The following TEX9 variants were observed in gnomAD, a reference collection of about 807,000 sequenced individuals.
TEX9 encodes testis-expressed protein 9.
Under a neutral mutation model 59.6 loss-of-function variants are expected in TEX9, and 74 were observed. The observed-to-expected ratio is 1.24, with a 90% CI of 1.03 to 1.51. The LOEUF (loss-of-function observed/expected upper bound fraction) is 1.51, where lower values mean the gene tolerates loss of function less well. Among genes scored for constraint, TEX9 ranks in the 40% most tolerant of loss-of-function variants. The probability of loss-of-function intolerance (pLI) is 0.00; values close to 1 mark genes in which losing one functional copy is unlikely to be tolerated. For missense variants in TEX9, 522 were observed against 447.8 expected, an observed-to-expected ratio of 1.17 and a Z score of -1.49; for synonymous variants, 186 against 152.2, an observed-to-expected ratio of 1.22 and a Z score of -1.64.
At chr15:56,272,418 A>G (rs1157384246) in intron 1 of TEX9, among the ~76,000 whole-genome samples, 1 of 152,194 alleles carries the variant, frequency 6.6e-6, no homozygotes, top group Non-Finnish European at 1.5e-5. Context: ...TTGAGAGTTC[A>G]TCTGTGTTGT....
At chr15:56,401,423 A>G (rs1358522666) in intron 9 of TEX9, among the ~76,000 whole-genome samples, 2 of 152,112 alleles carry the variant, frequency 1.3e-5, no homozygotes, top group Admixed American at 6.5e-5. Flanking sequence ...TAAAGGGATC[A>G]ATTCAACAAG....
chr15:56,252,009 C>T (rs556167064), intron 1 of TEX9, among the ~76,000 whole-genome samples: 1 of 152,234 alleles, frequency 6.6e-6, no homozygotes, highest in East Asian at 1.9e-4. Context: ...TTTTCTCCTC[C>T]CCCAGAGAGT....
At chr15:56,416,711 A>C (rs2049704323) in intron 10 of TEX9, among the ~76,000 whole-genome samples, 1 of 151,838 alleles carries the variant, frequency 6.6e-6, no homozygotes, top group Non-Finnish European at 1.5e-5. Context: ...TATCAAGATG[A>C]TGCTGGCCCC....
At chr15:56,416,152 T>G (rs775277858) in intron 10 of TEX9, among the ~76,000 whole-genome samples, 1 of 151,934 alleles carries the variant, frequency 6.6e-6, no homozygotes, top group Non-Finnish European at 1.5e-5. Context: ...CTTCTAGATA[T>G]AGAATTACGC....
intron 1 of TEX9, among the ~76,000 whole-genome samples, chr15:56,288,364 A>G (rs2045002968): frequency 6.6e-6 from 1 of 151,718 alleles, no homozygotes; most frequent in Non-Finnish European, 1.5e-5. Context: ...TTGTGTTACT[A>G]ATAAGCATCT....
At chr15:56,319,611 A>C (rs2045858346) in intron 1 of TEX9, among the ~76,000 whole-genome samples, 1 of 151,934 alleles carries the variant, frequency 6.6e-6, no homozygotes, top group Admixed American at 6.6e-5. Context: ...CTTCATATTA[A>C]TTTATTTCTC....
chr15:56,306,669 A>C (rs1260457736), intron 1 of TEX9, among the ~76,000 whole-genome samples: 1 of 152,176 alleles, frequency 6.6e-6, no homozygotes, highest in Non-Finnish European at 1.5e-5. Flanking sequence ...GGTTAGACTA[A>C]GATGTAGTAT....
chr15:56,340,885 CA>C (rs1448843373), intron 1 of TEX9, among the ~76,000 whole-genome samples: 2 of 152,114 alleles, frequency 1.3e-5, no homozygotes, highest in Non-Finnish European at 2.9e-5. Flanking sequence ...ATTCTTCAAG[CA>C]AAGCAGCATG....
In TEX9 at chr15:56,435,373, C is replaced by A. The variant is rs552010109; in HGVS notation, c.*29+6900C>A. On this transcript the variant is annotated intron_variant, in intron 12 of 12. Transcript: ENST00000352903. ...AGAAAATAGACAATTATTGGTGAAA[C>A]AAAAGGCTGGTTCTTAAAAATTATC... Among the ~76,000 whole-genome samples, 30 of 151,364 alleles carry A rather than the reference C, an allele frequency of 2.0e-4. No homozygotes were observed. In the South Asian group the frequency reaches 6.2e-3, roughly 31 times the overall value.
chr15:56,448,707 T>C (rs1212407026), downstream of TEX9, among the ~76,000 whole-genome samples: 2 of 152,016 alleles, frequency 1.3e-5, no homozygotes, highest in Non-Finnish European at 2.9e-5. Context: ...TAAATGCATA[T>C]GCTTTTTTTG....
intron 1 of TEX9, among the ~76,000 whole-genome samples, chr15:56,359,975 C>T (rs1215518792): frequency 1.3e-5 from 2 of 152,078 alleles, no homozygotes; most frequent in Non-Finnish European, 2.9e-5. Flanking sequence ...GCTTTTGCTG[C>T]ATGAATTTAT....
At chr15:56,330,177 GT>G (rs1271918479) in intron 1 of TEX9, among the ~76,000 whole-genome samples, 2 of 152,098 alleles carry the variant, frequency 1.3e-5, no homozygotes, top group African/African-American at 4.8e-5. Flanking sequence ...AATATATCCA[GT>G]GAAAATATAC....
At chr15:56,249,127 CA>C (rs2043944263) in intron 1 of TEX9, 1 of 152,238 alleles carries the variant, frequency 6.6e-6, no homozygotes, top group African/African-American at 2.4e-5. Flanking sequence ...AAAAAACAAA[CA>C]AAAGGTGTGT....
chr15:56,351,999 G>C (rs2046591146), intron 1 of TEX9, among the ~76,000 whole-genome samples: 1 of 152,164 alleles, frequency 6.6e-6, no homozygotes, highest in African/African-American at 2.4e-5. Context: ...TAGTATTTGA[G>C]ATTGGGTGGG....
intron 1 of TEX9, among the ~76,000 whole-genome samples, chr15:56,269,299 GT>G (rs1171990428): frequency 1.3e-5 from 2 of 152,010 alleles, no homozygotes; most frequent in African/African-American, 4.8e-5. Flanking sequence ...TTTTTGAAGG[GT>G]TTTTTCGTGT....
chr15:56,416,432 A>G (rs1185359980), intron 10 of TEX9, among the ~76,000 whole-genome samples: 1 of 151,918 alleles, frequency 6.6e-6, no homozygotes, highest in Non-Finnish European at 1.5e-5. Flanking sequence ...AGGGTGTTGA[A>G]TTTTATTGAA....
chr15:56,428,237 A>AAGAGT (rs1241293148), intron 11 of TEX9, 130 bp from the exon 12 acceptor site: 1 of 623,244 alleles, frequency 1.6e-6, no homozygotes, highest in African/African-American at 1.8e-5. Context: ...TATTGGAATT[A>AAGAGT]AGAGTATACA....
intron 2 of TEX9, among the ~76,000 whole-genome samples, chr15:56,367,753 C>A (rs2047011055): frequency 6.6e-6 from 1 of 152,172 alleles, no homozygotes; most frequent in East Asian, 1.9e-4. Context: ...ACATAAAATT[C>A]TTGCGTATAT....
At chr15:56,330,875 G>GA (rs1421794129) in intron 1 of TEX9, among the ~76,000 whole-genome samples, 3 of 151,440 alleles carry the variant, frequency 2.0e-5, no homozygotes, top group Admixed American at 6.6e-5. Flanking sequence ...TGACTGGATT[G>GA]AAAAAAAATA....
Sources: gnomAD v4.1 joint callset for allele counts (sites outside exome capture counted in the v4.1 genomes callset) on GRCh38, gnomAD v4.1.1 for gene constraint, MANE v1.5 for transcripts, NCBI Gene and HGNC (gene_info 2026-07-23, HGNC 2026-07-21) for gene names.